The following HEATR1 variants were observed in gnomAD, a reference collection of about 807,000 sequenced individuals.
HEATR1 encodes the protein HEAT repeat containing 1.
In HEATR1, 77 loss-of-function variants were observed where a neutral mutation model predicts 248.2. That is an observed-to-expected ratio of 0.31 (90% confidence interval 0.26 to 0.37). HEATR1 has a LOEUF of 0.37. Among genes scored for constraint, HEATR1 ranks in the 10% least tolerant of loss-of-function variants. The pLI, the probability that HEATR1 is intolerant of heterozygous loss-of-function variation, is 1.00. For missense variants in HEATR1, 2,420 were observed against 2,504.9 expected, an observed-to-expected ratio of 0.97 and a Z score of 0.72; for synonymous variants, 897 against 923.1, an observed-to-expected ratio of 0.97 and a Z score of 0.51.
intron 8 of HEATR1, 39 bp downstream of exon 8, chr1:236,595,501 C>T: frequency 2.6e-6 from 4 of 1,548,662 alleles, no homozygotes; most frequent in Non-Finnish European, 3.5e-6. Flanking sequence ...AAGATCAAAT[C>T]TTAGAAAATT....
Position 236,554,600 on chromosome 1 carries a change from G to T in HEATR1, c.6076C>A (p.Gln2026Lys). ...AEALMMPLVD[Q>K]LENRLGGEEK... The stretch of plus-strand genomic sequence containing the variant: ...GAAAGATGATTCTGTTTGGTTACCT[G>T]ATCCACCAGAGGCATCATCAAGGCT... Residue 2026 changes from glutamine (Q) to lysine (K), a missense_variant and splice_region_variant, in exon 42 of 45, where the codon CAG becomes AAG. Coordinates refer to ENST00000366582, the MANE Select transcript of HEATR1 (RefSeq NM_018072.6). 1 of 1,609,816 alleles carries T rather than the reference G, an allele frequency of 6.2e-7. No individual in the cohort carries two copies. The highest frequency in any genetic ancestry group is 2.2e-5 in the East Asian group (1 of 44,796).
intron 20 of HEATR1, among the ~76,000 whole-genome samples, chr1:236,579,921 T>C (rs1203404927): frequency 7.7e-6 from 1 of 129,598 alleles, no homozygotes; most frequent in Non-Finnish European, 1.7e-5. Flanking sequence ...AGAGTAATTT[T>C]GGAATTAAAA....
chr1:236,558,523 G>C lies in HEATR1; in HGVS notation c.4918C>G (p.Arg1640Gly), dbSNP rs143980201. ...NISWKKTIVT[R>G]FLKLVPDLLA... ...AGGTCTGGAACCAGTTTTAGGAAAC[G>C]GGTAACCTGAAGGGGACAGCCAGAA... The change falls in exon 36 of 45, where the codon CGT becomes GGT. Residue 1640 changes from arginine to glycine, a missense_variant. Transcript: ENST00000366582. The C allele has an allele frequency of 8.4e-5, 135 of 1,610,502 alleles. No individual in the cohort carries two copies. The African/African-American group carries it at 1.7e-3, about 21-fold the overall frequency.
At chr1:236,557,847 G>A (rs1004894642) in intron 36 of HEATR1, among the ~76,000 whole-genome samples, 1 of 152,254 alleles carries the variant, frequency 6.6e-6, no homozygotes, top group Non-Finnish European at 1.5e-5. Flanking sequence ...TAGACAAAAG[G>A]AAGGAAGAAT....
At chr1:236,551,865 G>A in intron 44 of HEATR1, 134 bp downstream of exon 44, 1 of 627,272 alleles carries the variant, frequency 1.6e-6, no homozygotes, top group Non-Finnish European at 2.8e-6. Context: ...TGAGACTGGA[G>A]CTGCCTGTAT....
chr1:236,592,382 C>T (rs898308108), intron 10 of HEATR1, 141 bp downstream of exon 10: 33 of 598,208 alleles, frequency 5.5e-5, no homozygotes, highest in African/African-American at 4.7e-4. Context: ...TTTTTGATTC[C>T]GATACTCGCC....
intron 12 of HEATR1, among the ~76,000 whole-genome samples, chr1:236,590,356 T>C (rs1005551489): frequency 3.9e-5 from 6 of 152,094 alleles, no homozygotes; most frequent in African/African-American, 9.7e-5. Flanking sequence ...GCCTCTCAAG[T>C]AGCTGGGACC....
At position 236,552,100 on chromosome 1, in the gene HEATR1, A is replaced by T; in HGVS notation, c.6245T>A (p.Phe2082Tyr). The stretch of plus-strand genomic sequence containing the variant: ...TGCTAACACAGTAATCAAAGCAGCA[A>T]ATCGAACCTGAAAGGGATAAAAGAG... ...KTRDSSPKVR[F>Y]AALITVLALA... Residue 2082 changes from phenylalanine to tyrosine, a missense_variant, in exon 44 of 45, where the codon TTT becomes TAT. By Grantham distance (22) the Phe-to-Tyr change is conservative. Coordinates refer to ENST00000366582, the MANE Select transcript of HEATR1 (RefSeq NM_018072.6). The T allele has an allele frequency of 6.2e-7, 1 of 1,607,514 alleles. No individual in the cohort carries two copies.
chr1:236,591,389 C>T (rs1237649059), intron 11 of HEATR1, among the ~76,000 whole-genome samples: 1 of 152,074 alleles, frequency 6.6e-6, no homozygotes, highest in African/African-American at 2.4e-5. Context: ...AAGTCTTATC[C>T]ATCAACCTAA....
chr1:236,580,104 A>G (rs1396055600), intron 20 of HEATR1, among the ~76,000 whole-genome samples: 1 of 152,178 alleles, frequency 6.6e-6, no homozygotes, highest in Non-Finnish European at 1.5e-5. Flanking sequence ...ATTCTGCCAC[A>G]TCCCCTCATG....
intron 15 of HEATR1, 70 bp from the exon 16 acceptor site, chr1:236,586,011 G>A (rs933417634): frequency 3.9e-6 from 6 of 1,553,482 alleles, no homozygotes; most frequent in Non-Finnish European, 5.3e-6. Context: ...GAAGAATTCA[G>A]GCAAACATTT....
At position 236,561,218 on chromosome 1, in the gene HEATR1, A is replaced by C. The variant is rs1663121674; in HGVS notation, c.4646+7T>G. On this transcript the variant is annotated splice_region_variant and intron_variant, in intron 33 of 44. Transcript: ENST00000366582. ...AATAAAAAGTAGAAAAAGAAAAGGA[A>C]ACATACCTCTCTTCAAGGCCTTTTA... 6.3e-7 allele frequency: 1 copy of C among 1,595,618 alleles called. No individual in the cohort carries two copies. The highest frequency in any genetic ancestry group is 2.2e-5 in the East Asian group (1 of 44,718).
At chr1:236,570,487 G>A (rs1369253989) in intron 28 of HEATR1, among the ~76,000 whole-genome samples, 8 of 152,032 alleles carry the variant, frequency 5.3e-5, no homozygotes, top group Non-Finnish European at 1.2e-4. Flanking sequence ...CGGTGGCAGC[G>A]GCAGGGAGGA....
At chr1:236,581,957 T>C (rs1426070192) in intron 19 of HEATR1, among the ~76,000 whole-genome samples, 4 of 152,196 alleles carry the variant, frequency 2.6e-5, no homozygotes, top group Admixed American at 2.0e-4. Context: ...AGTGTAGCAA[T>C]GTTAGTTTCT....
chr1:236,550,481 G>C lies in HEATR1; in HGVS notation c.*421C>G, dbSNP rs2103117444. On this transcript the variant is annotated 3_prime_UTR_variant, in exon 45 of 45. Coordinates refer to ENST00000366582, the MANE Select transcript of HEATR1 (RefSeq NM_018072.6). ...GATTGCTAAATAACTTCATTTTCTT[G>C]AAATAGAGCAACTTTGAGTGAAATC... is the stretch of plus-strand genomic sequence containing the variant. 1 of 156,924 alleles carries C rather than the reference G, an allele frequency of 6.4e-6. No individual in the cohort carries two copies. The highest frequency in any genetic ancestry group is 2.1e-4 in the South Asian group (1 of 4,866). The allele number at this position is 156,924 out of a possible 1,614,324, so 9.7% of individuals were successfully genotyped here.
At chr1:236,591,415 C>T (rs1205008939) in intron 11 of HEATR1, among the ~76,000 whole-genome samples, 1 of 152,070 alleles carries the variant, frequency 6.6e-6, no homozygotes, top group Non-Finnish European at 1.5e-5. Flanking sequence ...GGAAATGCAA[C>T]ACCATTAAAA....
At chr1:236,592,495 A>C (rs1021815853) in intron 10 of HEATR1, 28 bp downstream of exon 10, 6 of 883,070 alleles carry the variant, frequency 6.8e-6, no homozygotes, top group Middle Eastern at 2.1e-4. Flanking sequence ...GTACTTTAGA[A>C]GAGCATAAAC....
At chr1:236,594,432 G>A (rs1664121310) in intron 8 of HEATR1, among the ~76,000 whole-genome samples, 1 of 152,136 alleles carries the variant, frequency 6.6e-6, no homozygotes, top group South Asian at 2.1e-4. Flanking sequence ...TTGTGATGGT[G>A]CCAATCAACT....
rs750046474 is a variant in HEATR1 at position 236,595,996 on chromosome 1, T to C, written c.793A>G (p.Ile265Val). 4 of 1,613,824 alleles carry C rather than the reference T, an allele frequency of 2.5e-6. No individual in the cohort carries two copies. The East Asian group carries it at 6.7e-5, about 27-fold the overall frequency. ...GTCACTTTCACAGAAATCTGACATA[T>C]TATCATGTATGTTGCAGCTCTGTAA... ...PDYRAATYMIICQISVKVTME... is the reference protein window; with the variant it reads ...PDYRAATYMIVCQISVKVTME... Residue 265 changes from isoleucine to valine, a missense_variant, in exon 7 of 45, where the codon ATA becomes GTA. Transcript: ENST00000366582.
Sources: gnomAD v4.1 joint callset for allele counts (sites outside exome capture counted in the v4.1 genomes callset) on GRCh38, gnomAD v4.1.1 for gene constraint, MANE v1.5 for transcripts, NCBI Gene and HGNC (gene_info 2026-07-23, HGNC 2026-07-21) for gene names.